The following NRG1 variants were observed in gnomAD, a reference collection of about 807,000 sequenced individuals.
NRG1 encodes neuregulin 1, also known as pro-neuregulin-1, membrane-bound isoform.
A neutral mutation model predicts 63.8 loss-of-function variants in NRG1; 18 were observed. The ratio of observed to expected loss-of-function variants is 0.28; its 90% confidence interval spans 0.19 to 0.42. The LOEUF (loss-of-function observed/expected upper bound fraction) is 0.42. Ranked by LOEUF, NRG1 falls within the 10% of genes least tolerant of loss-of-function variation. The probability of loss-of-function intolerance (pLI) is 1.00; values close to 1 mark genes in which losing one functional copy is unlikely to be tolerated. For synonymous variants in NRG1, 302 were observed against 301.3 expected (o/e 1.00, Z -0.02); for missense variants, 762 against 814.7 (o/e 0.94, Z 0.79).
intron 1 of NRG1, among the ~76,000 whole-genome samples, chr8:32,459,199 A>G (rs558915066): frequency 5.3e-5 from 8 of 152,094 alleles, no homozygotes; most frequent in Admixed American, 6.6e-5. Context: ...GCCCATCTCA[A>G]TAAACACCAC....
chr8:31,837,557 C>T (rs932552395), intron 1 of NRG1, among the ~76,000 whole-genome samples: 1 of 151,972 alleles, frequency 6.6e-6, no homozygotes, highest in African/African-American at 2.4e-5. Context: ...CAGTAGTCAC[C>T]TTACTGTTCA....
At chr8:31,913,339 C>T (rs527798243) in intron 1 of NRG1, among the ~76,000 whole-genome samples, 1 of 152,218 alleles carries the variant, frequency 6.6e-6, no homozygotes, top group South Asian at 2.1e-4. Context: ...AAGGAAAAAG[C>T]ATTTATTGAC....
At chr8:32,266,835 A>G (rs1479583973) in intron 1 of NRG1, among the ~76,000 whole-genome samples, 1 of 151,022 alleles carries the variant, frequency 6.6e-6, no homozygotes, top group East Asian at 2.0e-4. Flanking sequence ...GGAGATCGAA[A>G]TCATCCTGGC....
intron 1 of NRG1, among the ~76,000 whole-genome samples, chr8:31,937,592 A>C (rs1445559179): frequency 6.6e-6 from 1 of 152,080 alleles, no homozygotes; most frequent in Non-Finnish European, 1.5e-5. Context: ...TTGCTTTCTC[A>C]ATGGGGATGC....
Position 31,639,676 on chromosome 8 carries a change from G to T in NRG1, c.37+245G>T, listed in dbSNP as rs79819781. The T allele has an allele frequency of 3.6e-3, 5,013 of 1,399,966 alleles. 130 individuals carry two copies. In the African/African-American group the frequency reaches 0.06, roughly 17 times the overall value. 86.7% of individuals were successfully genotyped at this position (1,399,966 alleles called of 1,614,324 possible). A position where few individuals can be genotyped will look rare whatever the true frequency, so the allele number is the denominator to read the frequency against. On this transcript the variant is annotated intron_variant, in intron 1 of 10. Coordinates refer to the NRG1 transcript ENST00000519301. ...AGCAGGGCTCGGGCGCGGCGGCGGC[G>T]CGGGGGGTGGGGGGACCTGTCACTC...
chr8:32,221,106 A>AT (rs1334757231), intron 1 of NRG1: 1 of 152,158 alleles, frequency 6.6e-6, no homozygotes, highest in African/African-American at 2.4e-5. Flanking sequence ...AAATGAAATG[A>AT]TTTTTTTAGC....
chr8:31,809,741 G>GGTTTTTTTTTTTTTTTTTTTTTTTTAATT (rs1554539613), intron 1 of NRG1, among the ~76,000 whole-genome samples: 1 of 68,018 alleles, frequency 1.5e-5, no homozygotes, highest in Admixed American at 1.9e-4. Context: ...TCTATTAATT[G>GGTTTTTTTTTTTTTTTTTTTTTTTTAATT]TTTTTTTTTT....
intron 1 of NRG1, among the ~76,000 whole-genome samples, chr8:32,041,419 A>G (rs1218282446): frequency 6.6e-6 from 1 of 152,214 alleles, no homozygotes; most frequent in African/African-American, 2.4e-5. Flanking sequence ...TTATATTTTC[A>G]AGGACTCTGA....
At chr8:32,374,573 C>T (rs1443377372) in intron 1 of NRG1, among the ~76,000 whole-genome samples, 1 of 152,118 alleles carries the variant, frequency 6.6e-6, no homozygotes, top group Admixed American at 6.5e-5. Flanking sequence ...CTGTGAAGTC[C>T]TTTGGAAAAC....
At chr8:32,078,644 T>C (rs1004219900) in intron 1 of NRG1, among the ~76,000 whole-genome samples, 2 of 152,206 alleles carry the variant, frequency 1.3e-5, no homozygotes, top group African/African-American at 4.8e-5. Context: ...AACAGAACTT[T>C]AGTTTTATGA....
chr8:32,251,363 C>T (rs1849081625), intron 1 of NRG1, among the ~76,000 whole-genome samples: 1 of 143,996 alleles, frequency 6.9e-6, no homozygotes, highest in Non-Finnish European at 1.5e-5. Context: ...CAGCTTCATC[C>T]ATGTCCCTGC....
intron 1 of NRG1, among the ~76,000 whole-genome samples, chr8:31,871,339 C>T (rs1033175823): frequency 4.6e-5 from 7 of 152,092 alleles, no homozygotes; most frequent in African/African-American, 7.2e-5. Context: ...GGGCTTGGAC[C>T]CAACCCCAGC....
chr8:32,749,823 C>T, intron 7 of NRG1: 1 of 558,580 alleles, frequency 1.8e-6, no homozygotes, highest in South Asian at 2.2e-5. Flanking sequence ...TAAAAGTACC[C>T]TACCTGCTGC....
chr8:32,459,235 G>T (rs936589966), intron 1 of NRG1, among the ~76,000 whole-genome samples: 2 of 151,974 alleles, frequency 1.3e-5, no homozygotes, highest in Admixed American at 6.6e-5. Flanking sequence ...TAATTGAGCC[G>T]GCTATCTGGT....
At chr8:31,998,092 G>A (rs557280009) in intron 1 of NRG1, among the ~76,000 whole-genome samples, 100 of 151,962 alleles carry the variant, frequency 6.6e-4, no homozygotes, top group African/African-American at 2.7e-4. Flanking sequence ...TATCACTTAT[G>A]GCAATAAGAA....
intron 1 of NRG1, among the ~76,000 whole-genome samples, chr8:32,321,468 T>G (rs1728587647): frequency 6.7e-6 from 1 of 148,768 alleles, no homozygotes; most frequent in South Asian, 2.1e-4. Flanking sequence ...GTTAGAATCA[T>G]GTTTACCACC....
chr8:32,336,307 G>A (rs899535759), intron 1 of NRG1, among the ~76,000 whole-genome samples: 7 of 152,130 alleles, frequency 4.6e-5, no homozygotes, highest in East Asian at 3.9e-4. Context: ...ATTTCCAGCC[G>A]TGATGAGTGA....
intron 5 of NRG1, among the ~76,000 whole-genome samples, chr8:32,681,190 T>A (rs1246001226): frequency 6.6e-6 from 1 of 152,214 alleles, no homozygotes; most frequent in African/African-American, 2.4e-5. Flanking sequence ...TCTGGTAATC[T>A]GCAAAATAGA....
chr8:32,313,583 A>C (rs548128203), intron 1 of NRG1, among the ~76,000 whole-genome samples: 1 of 152,374 alleles, frequency 6.6e-6, no homozygotes, highest in East Asian at 1.9e-4. Context: ...AATAAAAAGG[A>C]AATGCTAGGT....
Sources: allele counts gnomAD v4.1 joint callset (sites outside exome capture counted in the v4.1 genomes callset), GRCh38; gene constraint gnomAD v4.1.1; transcripts MANE v1.5; gene names NCBI Gene and HGNC (gene_info 2026-07-23, HGNC 2026-07-21).